Variants in ZDHHC14 observed in about 807,000 individuals in gnomAD.
The protein encoded by ZDHHC14 is palmitoyltransferase ZDHHC14.
ZDHHC14 carries 16 observed loss-of-function variants against 47.7 expected under a neutral mutation model. That is an observed-to-expected ratio of 0.34 (90% CI 0.23 to 0.51). The LOEUF is 0.51. ZDHHC14 is among the 20% of genes least tolerant of loss of function. ZDHHC14 has a pLI of 0.97. For missense variants in ZDHHC14, 515 were observed against 662.5 expected (o/e 0.78, Z 2.44); for synonymous variants, 293 against 278.9 (o/e 1.05, Z -0.50).
chr6:157,580,221 C>A (rs1483090122), intron 2 of ZDHHC14, among the ~76,000 whole-genome samples: 1 of 151,902 alleles, frequency 6.6e-6, no homozygotes, highest in Non-Finnish European at 1.5e-5. Context: ...GTATGTTGAA[C>A]CAGCCTTGCA....
chr6:157,382,252 C>G lies in ZDHHC14; in HGVS notation c.231C>G (p.Leu77=). 1.2e-6 allele frequency: 2 copies of G among 1,610,822 alleles called. No homozygotes were observed. Among genetic ancestry groups the G allele is most frequent in the Non-Finnish European group, 1.7e-6 (2 of 1,178,570 alleles). The change falls in exon 1 of 9, where the codon CTC becomes CTG. Residue 77 remains leucine, a synonymous_variant. Coordinates refer to ENST00000359775, the MANE Select transcript of ZDHHC14 (RefSeq NM_024630.3). ...TLVLILVTSG[L]FFAFDCPYLA... ...TCCTCATCCTGGTCACTAGCGGACTCTTCTTCGCCTTCGAGTAAGTGGTGG... is the reference window on the plus strand; with the variant it reads ...TCCTCATCCTGGTCACTAGCGGACTGTTCTTCGCCTTCGAGTAAGTGGTGG...
At chr6:157,625,041 T>C (rs994645279) in intron 3 of ZDHHC14, among the ~76,000 whole-genome samples, 2 of 152,002 alleles carry the variant, frequency 1.3e-5, no homozygotes, top group African/African-American at 4.8e-5. Flanking sequence ...AGGAGCCCGC[T>C]CCCACAATAA....
At chr6:157,500,720 A>G (rs960317125) in intron 1 of ZDHHC14, among the ~76,000 whole-genome samples, 2 of 152,234 alleles carry the variant, frequency 1.3e-5, no homozygotes, top group African/African-American at 4.8e-5. Flanking sequence ...GACATGGTCC[A>G]TCGTGGTGGA....
intron 2 of ZDHHC14, among the ~76,000 whole-genome samples, chr6:157,558,136 C>CT (rs1467224948): frequency 6.6e-6 from 1 of 152,134 alleles, no homozygotes; most frequent in Non-Finnish European, 1.5e-5. Flanking sequence ...GTTACATTCT[C>CT]TTTTTTTGTA....
chr6:157,605,673 G>A (rs1226995543), intron 3 of ZDHHC14, among the ~76,000 whole-genome samples: 1 of 152,166 alleles, frequency 6.6e-6, no homozygotes, highest in Non-Finnish European at 1.5e-5. Flanking sequence ...CCTGAAAGCG[G>A]GCAAGCAGCA....
intron 1 of ZDHHC14, among the ~76,000 whole-genome samples, chr6:157,431,580 G>A (rs1204392156): frequency 6.6e-6 from 1 of 152,170 alleles, no homozygotes; most frequent in African/African-American, 2.4e-5. Context: ...GTCATTGCTA[G>A]TGTGGGTCAT....
rs1779136445 is a variant in ZDHHC14, at chr6:157,463,249, T to A, written c.246-79336T>A. Among the ~76,000 whole-genome samples, 1 of 152,214 alleles carries A rather than the reference T, an allele frequency of 6.6e-6. No homozygotes were observed. The highest frequency in any genetic ancestry group is 1.5e-5 in the Non-Finnish European group (1 of 68,036). On this transcript the variant is annotated intron_variant, in intron 1 of 8. Coordinates refer to ENST00000359775, the MANE Select transcript of ZDHHC14 (RefSeq NM_024630.3). The surrounding 1 kb of genome is among the most constrained non-coding windows in gnomAD (Gnocchi z 4.4). ...TTGTTTCTGTTGTCTCTTCGGTGTT[T>A]GGAACATGGCATAGAACAATTGAAA...
At chr6:157,425,743 C>T (rs540418959) in intron 1 of ZDHHC14, among the ~76,000 whole-genome samples, 16 of 152,306 alleles carry the variant, frequency 1.1e-4, no homozygotes, top group Non-Finnish European at 1.9e-4. Context: ...CTGGGCCATC[C>T]GGTCCCTGTT....
chr6:157,400,424 A>G (rs565409889), intron 1 of ZDHHC14, among the ~76,000 whole-genome samples: 1 of 152,228 alleles, frequency 6.6e-6, no homozygotes, highest in Admixed American at 6.5e-5. Flanking sequence ...GGTGACCTAC[A>G]CCCTCTACAT....
chr6:157,452,401 A>G (rs1778823286), intron 1 of ZDHHC14, among the ~76,000 whole-genome samples: 1 of 152,098 alleles, frequency 6.6e-6, no homozygotes, highest in Non-Finnish European at 1.5e-5. Flanking sequence ...TTACATCTCC[A>G]AGCAGTGATG....
At position 157,678,130 on chromosome 6, in the gene ZDHHC14, A is replaced by G. The variant is rs1779001501; in HGVS notation, c.*5008A>G. The G allele has an allele frequency of 2.0e-5, 3 of 152,224 alleles. No individual in the cohort carries two copies. The highest frequency in any genetic ancestry group is 7.2e-5 in the African/African-American group (3 of 41,456). 9.4% of individuals were successfully genotyped at this position (152,224 alleles called of 1,614,324 possible). A position where few individuals can be genotyped will look rare whatever the true frequency, so the allele number is the denominator to read the frequency against. On this transcript the variant is annotated 3_prime_UTR_variant, in exon 9 of 9. Transcript: ENST00000359775. The stretch of plus-strand genomic sequence containing the variant: ...AATTAAAAAATTTTTCTCCTTCAAT[A>G]AAAACTGCTAATGGCATAAAATGTA...
chr6:157,478,527 G>T (rs1160661963), intron 1 of ZDHHC14, among the ~76,000 whole-genome samples: 1 of 152,136 alleles, frequency 6.6e-6, no homozygotes, highest in African/African-American at 2.4e-5. Flanking sequence ...TTTGCTGAAA[G>T]TGACCTTCCA....
At chr6:157,471,908 C>T (rs1159110845) in intron 1 of ZDHHC14, among the ~76,000 whole-genome samples, 1 of 152,220 alleles carries the variant, frequency 6.6e-6, no homozygotes, top group Non-Finnish European at 1.5e-5. Context: ...TTAAATTGCT[C>T]AGGACAGTGC....
intron 5 of ZDHHC14, among the ~76,000 whole-genome samples, chr6:157,640,801 G>A (rs975577284): frequency 3.3e-5 from 5 of 152,222 alleles, no homozygotes; most frequent in African/African-American, 1.2e-4. Context: ...AGTCCTACGA[G>A]AATATGTTCT....
chr6:157,608,415 A>G (rs571686389), intron 3 of ZDHHC14, among the ~76,000 whole-genome samples: 19 of 151,840 alleles, frequency 1.3e-4, no homozygotes, highest in South Asian at 2.1e-4. Flanking sequence ...GAGTGACACA[A>G]CGGCAAAGTC....
chr6:157,413,180 A>G (rs924968637), intron 1 of ZDHHC14, among the ~76,000 whole-genome samples: 1 of 152,218 alleles, frequency 6.6e-6, no homozygotes, highest in African/African-American at 2.4e-5. Flanking sequence ...GTGTTTGTAG[A>G]AGCGGTGATG....
chr6:157,432,480 A>G (rs1012877488), intron 1 of ZDHHC14, among the ~76,000 whole-genome samples: 5 of 152,142 alleles, frequency 3.3e-5, no homozygotes, highest in African/African-American at 1.2e-4. Flanking sequence ...AGTTGTGCCA[A>G]TGGTGTGAAG....
intron 1 of ZDHHC14, among the ~76,000 whole-genome samples, chr6:157,495,430 G>A (rs1310237728): frequency 6.6e-6 from 1 of 152,170 alleles, no homozygotes; most frequent in Non-Finnish European, 1.5e-5. Flanking sequence ...CAGCCAGAAA[G>A]GCTGCTCATG....
intron 2 of ZDHHC14, among the ~76,000 whole-genome samples, chr6:157,558,306 CT>C (rs202167685): frequency 0.032 from 4,943 of 152,250 alleles, 282 homozygotes; most frequent in African/African-American, 0.11. Flanking sequence ...TCATGTCCCC[CT>C]GATCCCCTTT....
Sources: gnomAD v4.1 joint callset for allele counts (sites outside exome capture counted in the v4.1 genomes callset) on GRCh38, gnomAD v4.1.1 for gene constraint, Gnocchi (gnomAD v3.1) non-coding constraint, MANE v1.5 for transcripts, NCBI Gene and HGNC (gene_info 2026-07-23, HGNC 2026-07-21) for gene names.